RNF217: variants seen among roughly 807,000 people sequenced by gnomAD.
The protein encoded by RNF217 is E3 ubiquitin-protein ligase RNF217.
A neutral mutation model predicts 57.8 loss-of-function variants in RNF217; 31 were observed. The ratio of observed to expected loss-of-function variants is 0.54; its 90% CI spans 0.40 to 0.72. The LOEUF (loss-of-function observed/expected upper bound fraction) is 0.72, where lower values mean the gene tolerates loss of function less well. Ranked by LOEUF, RNF217 falls within the 30% of genes least tolerant of loss-of-function variation. The pLI is 0.00. For missense variants in RNF217, 696 were observed against 708.3 expected (o/e 0.98, Z 0.20); for synonymous variants, 313 against 294.0 (o/e 1.06, Z -0.66).
At chr6:124,965,522 A>C (rs1387489575) in intron 1 of RNF217, among the ~76,000 whole-genome samples, 1 of 152,180 alleles carries the variant, frequency 6.6e-6, no homozygotes, top group East Asian at 1.9e-4. Context: ...GCAGTGAGCC[A>C]AGATCACATG....
At chr6:125,023,777 T>C (rs1451897962) in intron 1 of RNF217, among the ~76,000 whole-genome samples, 1 of 152,130 alleles carries the variant, frequency 6.6e-6, no homozygotes, top group Non-Finnish European at 1.5e-5. Flanking sequence ...TGCAGCAATA[T>C]GGATGAACCT....
chr6:125,050,210 G>A (rs1251809891), intron 2 of RNF217, among the ~76,000 whole-genome samples: 10 of 151,856 alleles, frequency 6.6e-5, no homozygotes, highest in Admixed American at 2.0e-4. Context: ...TTTTCATATC[G>A]ATTTGGAGAA....
At chr6:125,018,839 C>A (rs1021677094) in intron 1 of RNF217, among the ~76,000 whole-genome samples, 1 of 152,064 alleles carries the variant, frequency 6.6e-6, no homozygotes, top group African/African-American at 2.4e-5. Flanking sequence ...ACTGGAGGTA[C>A]TGCAGTGTGG....
At chr6:125,016,437 A>G (rs555345708) in intron 1 of RNF217, among the ~76,000 whole-genome samples, 1 of 152,302 alleles carries the variant, frequency 6.6e-6, no homozygotes, top group South Asian at 2.1e-4. Flanking sequence ...AAATCAATGT[A>G]ATGGGTCATT....
At chr6:124,981,292 G>A (rs1784151123) in intron 1 of RNF217, among the ~76,000 whole-genome samples, 1 of 152,124 alleles carries the variant, frequency 6.6e-6, no homozygotes, top group South Asian at 2.1e-4. Flanking sequence ...TATCTGAGAC[G>A]GGTTTCAGTT....
At chr6:125,047,556 G>A (rs984259825) in intron 2 of RNF217, among the ~76,000 whole-genome samples, 1 of 152,082 alleles carries the variant, frequency 6.6e-6, no homozygotes, top group Non-Finnish European at 1.5e-5. Flanking sequence ...AGAAGCAGGG[G>A]CAAATGGACC....
intron 1 of RNF217, among the ~76,000 whole-genome samples, chr6:125,032,677 A>G (rs1355230225): frequency 6.6e-6 from 1 of 152,164 alleles, no homozygotes; most frequent in Non-Finnish European, 1.5e-5. Flanking sequence ...TGTAAGAGAT[A>G]ATTGTATGTC....
intron 1 of RNF217, among the ~76,000 whole-genome samples, chr6:124,967,881 C>T (rs1224465960): frequency 5.3e-5 from 8 of 152,006 alleles, no homozygotes; most frequent in Admixed American, 3.3e-4. Flanking sequence ...CGGGTTCAAG[C>T]GATTCTCCTG....
rs944069175 is a variant in RNF217, at chr6:124,962,608, A to G, written c.64A>G (p.Ser22Gly). The change falls in exon 1 of 6, where the codon AGT becomes GGT. Residue 22 changes from serine to glycine, a missense_variant. This residue lies in a region of RNF217 where 465 missense variants were observed against 386.8 expected (regional missense o/e 1.20). Transcript: ENST00000521654. This position sits in a 1 kb window ranked among gnomAD's most constrained non-coding sequence, Gnocchi z 4.6. ...GGPQESQTLA[S>G]GTAGHPEPPR... ...GCCCCAGGAGTCGCAGACCCTGGCC[A>G]GTGGCACTGCGGGCCACCCTGAGCC... The G allele has an allele frequency of 9.1e-6, 12 of 1,312,816 alleles. No homozygotes were observed. The African/African-American group carries it at 1.2e-4, about 14-fold the overall frequency. The allele number at this position is 1,312,816 out of a possible 1,614,324, so 81.3% of individuals were successfully genotyped here. A position where few individuals can be genotyped will look rare whatever the true frequency, so the allele number is the denominator to read the frequency against.
chr6:125,052,292 G>GTA (rs201163820), intron 2 of RNF217, among the ~76,000 whole-genome samples: 1,588 of 137,264 alleles, frequency 0.012, 22 homozygotes, highest in African/African-American at 0.046. Context: ...TTTTGTGTGT[G>GTA]TGTGTGTGTG....
At chr6:125,066,103 G>A (rs1271243687) in intron 3 of RNF217, among the ~76,000 whole-genome samples, 1 of 152,118 alleles carries the variant, frequency 6.6e-6, no homozygotes, top group Non-Finnish European at 1.5e-5. Context: ...CCACTAAAAT[G>A]TATTTAGAAT....
chr6:125,036,910 T>C (rs1180525189), intron 1 of RNF217, among the ~76,000 whole-genome samples: 1 of 148,632 alleles, frequency 6.7e-6, no homozygotes, highest in Non-Finnish European at 1.5e-5. Context: ...TATTATTTAT[T>C]ATTTATTATA....
chr6:124,981,472 C>T (rs148411293), intron 1 of RNF217, among the ~76,000 whole-genome samples: 5 of 152,108 alleles, frequency 3.3e-5, no homozygotes, highest in Admixed American at 1.3e-4. Flanking sequence ...GTTGGGGGGG[C>T]GGTGACTTTC....
At chr6:125,049,963 A>T (rs1343976774) in intron 2 of RNF217, among the ~76,000 whole-genome samples, 1 of 151,872 alleles carries the variant, frequency 6.6e-6, no homozygotes, top group African/African-American at 2.4e-5. Flanking sequence ...ATGACTCAGG[A>T]GTGATTTGGT....
chr6:124,987,592 A>C (rs766983323), intron 1 of RNF217, among the ~76,000 whole-genome samples: 10 of 152,302 alleles, frequency 6.6e-5, no homozygotes, highest in Middle Eastern at 3.4e-3. Context: ...AAATGTGTCT[A>C]CTGCAAATTA....
At chr6:125,079,089 G>A (rs1788479016) in intron 4 of RNF217, among the ~76,000 whole-genome samples, 1 of 152,138 alleles carries the variant, frequency 6.6e-6, no homozygotes, top group African/African-American at 2.4e-5. Flanking sequence ...CTCTCTCACA[G>A]CTGAAGGGTG....
chr6:125,078,856 A>G (rs896591562), intron 4 of RNF217, among the ~76,000 whole-genome samples: 5 of 152,092 alleles, frequency 3.3e-5, no homozygotes, highest in Non-Finnish European at 7.4e-5. Context: ...GTTGGACCAT[A>G]ACTCCAAGTG....
chr6:125,059,508 T>C (rs1040117509), intron 3 of RNF217, among the ~76,000 whole-genome samples: 1 of 152,196 alleles, frequency 6.6e-6, no homozygotes, highest in African/African-American at 2.4e-5. Flanking sequence ...TTAACAGTTA[T>C]TCATAAGTGC....
intron 3 of RNF217, among the ~76,000 whole-genome samples, chr6:125,076,195 C>T (rs1410328764): frequency 2.0e-5 from 3 of 152,176 alleles, no homozygotes; most frequent in Non-Finnish European, 4.4e-5. Flanking sequence ...AACAAAGAGA[C>T]CTCTGCTTTT....
Sources: gnomAD v4.1 joint callset for allele counts (sites outside exome capture counted in the v4.1 genomes callset) on GRCh38, gnomAD v4.1.1 for gene constraint, gnomAD v4.1.1 regional missense constraint, Gnocchi (gnomAD v3.1) non-coding constraint, MANE v1.5 for transcripts, NCBI Gene and HGNC (gene_info 2026-07-23, HGNC 2026-07-21) for gene names.